Variants in EGFR observed in about 807,000 individuals in gnomAD.
EGFR encodes the protein avian erythroblastic leukemia viral (v-erb-b) oncogene homolog.
EGFR carries 58 observed loss-of-function variants against 143.0 expected under a neutral mutation model. The ratio of observed to expected loss-of-function variants is 0.41; its 90% CI spans 0.33 to 0.50. The LOEUF (loss-of-function observed/expected upper bound fraction) is 0.50. EGFR is among the 20% of genes least tolerant of loss of function. The pLI, the probability that EGFR is intolerant of heterozygous loss-of-function variation, is 0.39. For synonymous variants in EGFR, 613 were observed against 594.4 expected, an observed-to-expected ratio of 1.03 and a Z score of -0.45; for missense variants, 1,307 against 1,579.0, an observed-to-expected ratio of 0.83 and a Z score of 2.92.
At position 55,208,470 on chromosome 7, in the gene EGFR, T is replaced by G. The variant is rs540640386; in HGVS notation, c.*2853T>G. The G allele has an allele frequency of 1.2e-4, 19 of 152,348 alleles. No homozygotes were observed. Among genetic ancestry groups the G allele is most frequent in the African/African-American group, 4.3e-4 (18 of 41,554 alleles). The allele number at this position is 152,348 out of a possible 1,614,324, so 9.4% of individuals were successfully genotyped here. The stretch of plus-strand genomic sequence containing the variant: ...ATGACCCCAGCTTCAGATGTGGTCT[T>G]TGGAAACAGAGGTCGAAGGAAAGTA... On this transcript the variant is annotated 3_prime_UTR_variant, in exon 28 of 28. Coordinates refer to ENST00000275493, the MANE Select transcript of EGFR (RefSeq NM_005228.5).
intron 1 of EGFR, among the ~76,000 whole-genome samples, chr7:55,102,548 G>A (rs146109809): frequency 1.3e-3 from 205 of 152,252 alleles, no homozygotes; most frequent in African/African-American, 4.6e-3. Flanking sequence ...GGCCCAGCTC[G>A]TCAAAAGAAT....
At chr7:55,077,341 C>G (rs1424189270) in intron 1 of EGFR, among the ~76,000 whole-genome samples, 1 of 152,164 alleles carries the variant, frequency 6.6e-6, no homozygotes, top group African/African-American at 2.4e-5. Flanking sequence ...AAAATATCAT[C>G]TTAAGGCTGT....
intron 1 of EGFR, among the ~76,000 whole-genome samples, chr7:55,127,140 C>T (rs1043697395): frequency 6.6e-6 from 1 of 152,128 alleles, no homozygotes; most frequent in Admixed American, 6.5e-5. Flanking sequence ...ATTTCTTTTG[C>T]AAATTGAGCT....
intron 1 of EGFR, among the ~76,000 whole-genome samples, chr7:55,053,840 A>G (rs116734443): frequency 0.021 from 3,249 of 152,292 alleles, 116 homozygotes; most frequent in African/African-American, 0.073. Flanking sequence ...CTGAGCTCAC[A>G]TTCTTTTTTC....
chr7:55,098,974 G>A (rs772857962), intron 1 of EGFR, among the ~76,000 whole-genome samples: 1 of 152,230 alleles, frequency 6.6e-6, no homozygotes, highest in Non-Finnish European at 1.5e-5. Context: ...TCTCCTGAGA[G>A]GCCCTGGAAA....
intron 1 of EGFR, among the ~76,000 whole-genome samples, chr7:55,047,173 T>C (rs1788223111): frequency 6.6e-6 from 1 of 152,212 alleles, no homozygotes; most frequent in South Asian, 2.1e-4. Flanking sequence ...AAACCAGCTC[T>C]GAGCCTCATG....
intron 1 of EGFR, among the ~76,000 whole-genome samples, chr7:55,086,578 C>G (rs1209074985): frequency 1.3e-5 from 2 of 152,202 alleles, no homozygotes; most frequent in Non-Finnish European, 2.9e-5. Flanking sequence ...AATTTCATGC[C>G]CTGCCCAGGC....
At chr7:55,019,593 A>C (rs943215084) in intron 1 of EGFR, among the ~76,000 whole-genome samples, 2 of 152,006 alleles carry the variant, frequency 1.3e-5, no homozygotes, top group African/African-American at 4.8e-5. Context: ...CGCGTGGGAC[A>C]CCGGGCTGCA....
chr7:55,137,726 C>T (rs1044490891), intron 1 of EGFR, among the ~76,000 whole-genome samples: 3 of 152,146 alleles, frequency 2.0e-5, no homozygotes, highest in African/African-American at 7.2e-5. Flanking sequence ...AAGGCTTGCT[C>T]AAGAGGACAG....
rs372471129 is a variant in EGFR, at chr7:55,173,088, G to C, written c.2025G>C (p.Arg675=). ...TCATGCGAAGGCGCCACATCGTTCG[G>C]AAGCGCACGCTGCGGAGGCTGCTGC... ...GLFMRRRHIV[R]KRTLRRLLQE... is the part of the protein sequence containing the mutation. Residue 675 remains arginine (R), a synonymous_variant, in exon 17 of 28, where the codon CGG becomes CGC. Coordinates refer to ENST00000275493, the MANE Select transcript of EGFR (RefSeq NM_005228.5). The C allele has an allele frequency of 3.1e-6, 5 of 1,612,824 alleles. 1 individual carries two copies. The South Asian group carries it at 5.5e-5, about 18-fold the overall frequency.
At chr7:55,046,282 G>C (rs531622927) in intron 1 of EGFR, among the ~76,000 whole-genome samples, 17 of 152,294 alleles carry the variant, frequency 1.1e-4, no homozygotes, top group Admixed American at 8.5e-4. Context: ...TTCTCTGAAG[G>C]CTTGGCATTA....
At chr7:55,203,675 A>G (rs1471659695) in intron 27 of EGFR, among the ~76,000 whole-genome samples, 1 of 147,156 alleles carries the variant, frequency 6.8e-6, no homozygotes. Context: ...ACACATACAC[A>G]CACCACACAC....
chr7:55,177,825 G>A (rs1296830752), intron 19 of EGFR, among the ~76,000 whole-genome samples: 1 of 152,216 alleles, frequency 6.6e-6, no homozygotes, highest in East Asian at 1.9e-4. Context: ...AGATTGTTGT[G>A]GAATACCAAG....
chr7:55,203,159 C>G (rs1787931616), intron 27 of EGFR: 1 of 239,374 alleles, frequency 4.2e-6, no homozygotes, highest in African/African-American at 2.2e-5. Flanking sequence ...TACACAGACA[C>G]CACACACATA....
At chr7:55,177,638 T>C (rs191566006) in intron 19 of EGFR, among the ~76,000 whole-genome samples, 18 of 152,154 alleles carry the variant, frequency 1.2e-4, no homozygotes, top group East Asian at 7.8e-4. Context: ...CATTCACAGA[T>C]GAGAGAGACA....
intron 1 of EGFR, among the ~76,000 whole-genome samples, chr7:55,134,153 C>T (rs993281306): frequency 6.6e-6 from 1 of 152,158 alleles, no homozygotes; most frequent in African/African-American, 2.4e-5. Flanking sequence ...CCCACCCCAG[C>T]CACACACAGA....
chr7:55,034,051 C>T (rs1032500495), intron 1 of EGFR, among the ~76,000 whole-genome samples: 2 of 152,154 alleles, frequency 1.3e-5, no homozygotes, highest in Non-Finnish European at 2.9e-5. Flanking sequence ...TGGCCATGCA[C>T]ACTTTCCAAG....
chr7:55,028,025 T>TACAC (rs5884398), intron 1 of EGFR, among the ~76,000 whole-genome samples: 3 of 101,648 alleles, frequency 3.0e-5, no homozygotes, highest in African/African-American at 1.4e-4. Flanking sequence ...TATATATATA[T>TACAC]ACACACACAC....
At chr7:55,094,446 C>T (rs1356789155) in intron 1 of EGFR, among the ~76,000 whole-genome samples, 1 of 152,206 alleles carries the variant, frequency 6.6e-6, no homozygotes, top group Non-Finnish European at 1.5e-5. Context: ...ACGCAGTTGC[C>T]CAGACGTTTT....
Sources: gnomAD v4.1 joint callset for allele counts (sites outside exome capture counted in the v4.1 genomes callset) on GRCh38, gnomAD v4.1.1 for gene constraint, MANE v1.5 for transcripts, NCBI Gene and HGNC (gene_info 2026-07-23, HGNC 2026-07-21) for gene names.